The following ZNF536 variants were observed in gnomAD, a reference collection of about 807,000 sequenced individuals.
ZNF536 encodes zinc finger protein 536.
Under a neutral mutation model 84.5 loss-of-function variants are expected in ZNF536, and 13 were observed. The ratio of observed to expected loss-of-function variants is 0.15; its 90% CI spans 0.10 to 0.24. ZNF536 has a LOEUF of 0.24. Among genes scored for constraint, ZNF536 ranks in the 10% least tolerant of loss-of-function variants. The pLI is 1.00. For missense variants in ZNF536, 1,536 were observed against 1,747.5 expected, an observed-to-expected ratio of 0.88 and a Z score of 2.16; for synonymous variants, 811 against 742.5, an observed-to-expected ratio of 1.09 and a Z score of -1.50.
intron 1 of ZNF536, among the ~76,000 whole-genome samples, chr19:30,694,503 G>A (rs753487897): frequency 2.0e-5 from 3 of 152,182 alleles, no homozygotes; most frequent in Non-Finnish European, 4.4e-5. Flanking sequence ...GCGCCTGGCT[G>A]GTGATGCCTG....
chr19:30,616,255 A>G (rs1189435672), intron 1 of ZNF536, among the ~76,000 whole-genome samples: 6 of 152,174 alleles, frequency 3.9e-5, no homozygotes, highest in Non-Finnish European at 7.4e-5. Context: ...CCTGTCCCTG[A>G]CTTCAGCGTG....
intron 3 of ZNF536, among the ~76,000 whole-genome samples, chr19:30,366,068 C>T (rs1028080059): frequency 2.0e-5 from 3 of 152,104 alleles, no homozygotes; most frequent in Non-Finnish European, 4.4e-5. Context: ...AAGTCACCCC[C>T]GCCGAACCCC....
chr19:30,480,138 G>A (rs1271709373), intron 2 of ZNF536, among the ~76,000 whole-genome samples: 1 of 152,160 alleles, frequency 6.6e-6, no homozygotes, highest in Admixed American at 6.5e-5. Flanking sequence ...GCTTTCCCAA[G>A]CTCTCCCGGT....
At chr19:30,662,966 T>C (rs1339700084) in intron 1 of ZNF536, among the ~76,000 whole-genome samples, 9 of 147,216 alleles carry the variant, frequency 6.1e-5, no homozygotes, top group Non-Finnish European at 1.2e-4. Flanking sequence ...TCGTTTCTTT[T>C]TTTTTTTTTT....
intron 1 of ZNF536, among the ~76,000 whole-genome samples, chr19:30,584,429 C>T (rs1003174179): frequency 6.6e-5 from 10 of 152,190 alleles, no homozygotes; most frequent in Non-Finnish European, 5.9e-5. Flanking sequence ...GTGGCTCCCC[C>T]GATGGCCCTG....
At chr19:30,669,439 A>C (rs1329349609) in intron 1 of ZNF536, among the ~76,000 whole-genome samples, 1 of 152,024 alleles carries the variant, frequency 6.6e-6, no homozygotes. Flanking sequence ...TTCCCCGGGG[A>C]CTCAGCCTCG....
Position 30,310,204 on chromosome 19 carries a change from G to A in ZNF536, c.-120+26063G>A, listed in dbSNP as rs141743911. ...TGTCAAATGAAGGTACGCCAGCCCC[G>A]CGTTATAAAAACAGAACAATACTGT... On this transcript the variant is annotated intron_variant, in intron 2 of 5. Transcript: ENST00000585628. Among the ~76,000 whole-genome samples the A allele has an allele frequency of 3.0e-3, 451 of 152,264 alleles. 3 individuals are homozygous for A. Among genetic ancestry groups the A allele is most frequent in the Middle Eastern group, 3.4e-3 (1 of 294 alleles).
intron 1 of ZNF536, among the ~76,000 whole-genome samples, chr19:30,582,000 G>A (rs1217767609): frequency 6.6e-6 from 1 of 152,152 alleles, no homozygotes; most frequent in African/African-American, 2.4e-5. Context: ...GAGTCAGGAA[G>A]ACACTGAATG....
At chr19:30,662,566 T>G (rs2050160311) in intron 1 of ZNF536, among the ~76,000 whole-genome samples, 1 of 151,008 alleles carries the variant, frequency 6.6e-6, no homozygotes, top group African/African-American at 2.4e-5. Context: ...GTTTTTTGAT[T>G]TTTTTTTTAA....
At chr19:30,391,911 A>G (rs1282654267) in intron 1 of ZNF536, among the ~76,000 whole-genome samples, 2 of 152,188 alleles carry the variant, frequency 1.3e-5, no homozygotes, top group African/African-American at 4.8e-5. Context: ...ACAAATCAGT[A>G]CTAATTTAGC....
intron 2 of ZNF536, among the ~76,000 whole-genome samples, chr19:30,503,804 C>A (rs966683906): frequency 1.3e-5 from 2 of 152,104 alleles, no homozygotes; most frequent in Admixed American, 6.6e-5. Context: ...TTTCTGATTC[C>A]TTTTTCCCCT....
intron 2 of ZNF536, among the ~76,000 whole-genome samples, chr19:30,468,861 G>A (rs953520611): frequency 2.6e-5 from 4 of 152,242 alleles, no homozygotes; most frequent in Non-Finnish European, 4.4e-5. Flanking sequence ...GGGTGCAGGT[G>A]CAGAGAGGGA....
At chr19:30,523,663 T>C (rs758155641) in intron 2 of ZNF536, among the ~76,000 whole-genome samples, 6 of 152,134 alleles carry the variant, frequency 3.9e-5, no homozygotes, top group Non-Finnish European at 5.9e-5. Context: ...AGCAGAGATT[T>C]GTGGAACTCT....
intron 1 of ZNF536, among the ~76,000 whole-genome samples, chr19:30,572,365 A>G (rs917486733): frequency 4.6e-5 from 7 of 152,100 alleles, no homozygotes; most frequent in Non-Finnish European, 1.0e-4. Context: ...GGGGGCACCC[A>G]AGGGGGGCAG....
At chr19:30,355,204 C>T (rs1295710375) in intron 3 of ZNF536, among the ~76,000 whole-genome samples, 3 of 151,770 alleles carry the variant, frequency 2.0e-5, no homozygotes, top group Non-Finnish European at 2.9e-5. Flanking sequence ...CTTTTACTCA[C>T]GGTGGAAGGT....
intron 1 of ZNF536, among the ~76,000 whole-genome samples, chr19:30,428,134 C>T (rs908678561): frequency 4.6e-5 from 7 of 152,208 alleles, no homozygotes; most frequent in Admixed American, 2.0e-4. Flanking sequence ...TTGCCTACCA[C>T]GTATGCCTCT....
chr19:30,557,134 T>C, intron 4 of ZNF536, 23 bp from the exon 5 acceptor site: 1 of 1,613,632 alleles, frequency 6.2e-7, no homozygotes, highest in Non-Finnish European at 8.5e-7. Flanking sequence ...GATTATTTAA[T>C]AAATCTGCAC....
chr19:30,278,895 C>G (rs1187061527), intron 1 of ZNF536, among the ~76,000 whole-genome samples: 1 of 152,102 alleles, frequency 6.6e-6, no homozygotes. Flanking sequence ...TTTTCCTGTG[C>G]CCAAAATCTA....
At chr19:30,621,058 T>C (rs2048465098) in intron 1 of ZNF536, among the ~76,000 whole-genome samples, 1 of 152,142 alleles carries the variant, frequency 6.6e-6, no homozygotes, top group Non-Finnish European at 1.5e-5. Flanking sequence ...AAATAACTGC[T>C]CTGATAGTCT....
Sources: allele counts gnomAD v4.1 joint callset (sites outside exome capture counted in the v4.1 genomes callset), GRCh38; gene constraint gnomAD v4.1.1; transcripts MANE v1.5; gene names NCBI Gene and HGNC (gene_info 2026-07-23, HGNC 2026-07-21).